Variants in LANCL3 observed in about 807,000 individuals in gnomAD.
The protein encoded by LANCL3 is LanC like family member 3, also known as lanC-like protein 3.
Under a neutral mutation model 26.5 loss-of-function variants are expected in LANCL3, and 19 were observed. The observed-to-expected ratio is 0.72, with a 90% CI of 0.50 to 1.05. LANCL3 has a LOEUF of 1.05. Among genes scored for constraint, LANCL3 ranks in the 50% least tolerant of loss-of-function variants. The pLI, the probability that LANCL3 is intolerant of heterozygous loss-of-function variation, is 0.00. For synonymous variants in LANCL3, 160 were observed against 166.6 expected, an observed-to-expected ratio of 0.96 and a Z score of 0.30; for missense variants, 318 against 362.7, an observed-to-expected ratio of 0.88 and a Z score of 1.00.
At chrX:37,581,268 C>G (rs1923884878) in intron 1 of LANCL3, among the ~76,000 whole-genome samples, 1 of 112,322 alleles carries the variant, frequency 8.9e-6, no homozygotes, top group Non-Finnish European at 1.9e-5. Flanking sequence ...AATACCAGCT[C>G]TCTGGTTTGT....
At chrX:37,658,387 G>T (rs1292075055) in intron 2 of LANCL3, among the ~76,000 whole-genome samples, 2 of 112,243 alleles carry the variant, frequency 1.8e-5, no homozygotes, top group African/African-American at 6.5e-5. Flanking sequence ...AAATCTGAAG[G>T]CAGGAGAAGG....
chrX:37,658,356 T>A (rs782365385), intron 2 of LANCL3, among the ~76,000 whole-genome samples: 1 of 112,132 alleles, frequency 8.9e-6, no homozygotes, highest in African/African-American at 3.2e-5. Context: ...AAGCCAATAA[T>A]GTAAGTTCCA....
At chrX:37,584,617 T>A (rs1386249106) in intron 1 of LANCL3, among the ~76,000 whole-genome samples, 6 of 112,040 alleles carry the variant, frequency 5.4e-5, no homozygotes, top group African/African-American at 2.0e-4. Flanking sequence ...GAGGTGTTTA[T>A]AGTATTCTCT....
intron 4 of LANCL3, among the ~76,000 whole-genome samples, chrX:37,668,650 G>A (rs1311040577): frequency 9.0e-6 from 1 of 111,548 alleles, no homozygotes; most frequent in African/African-American, 3.3e-5. Context: ...CTAAGCCAGA[G>A]TGTTCTCTCA....
At chrX:37,573,982 T>TC (rs1309804650) in intron 1 of LANCL3, among the ~76,000 whole-genome samples, 13 of 105,782 alleles carry the variant, frequency 1.2e-4, no homozygotes, top group African/African-American at 4.6e-4. Flanking sequence ...CCAGGTCTTT[T>TC]TTTTTTTTTA....
intron 1 of LANCL3, among the ~76,000 whole-genome samples, chrX:37,621,162 T>C (rs1198960580): frequency 8.9e-6 from 1 of 112,434 alleles, no homozygotes; most frequent in Non-Finnish European, 1.9e-5. Flanking sequence ...AGTAACAAGA[T>C]ACTTTGTCCT....
chrX:37,620,134 C>T (rs187040321), intron 1 of LANCL3, among the ~76,000 whole-genome samples: 1 of 111,907 alleles, frequency 8.9e-6, no homozygotes, highest in African/African-American at 3.2e-5. Flanking sequence ...AATGGGGAAG[C>T]CCCCAGGAAG....
At position 37,678,295 on chromosome X, in the gene LANCL3, A is replaced by G. The variant is rs1602140432; in HGVS notation, c.*2482A>G. 1 of 110,714 alleles carries G rather than the reference A, an allele frequency of 9.0e-6. No individual in the cohort carries two copies. Among genetic ancestry groups the G allele is most frequent in the African/African-American group, 3.3e-5 (1 of 30,482 alleles). The allele number at this position is 110,714 out of a possible 1,213,427, so 9.1% of individuals were successfully genotyped here. A position where few individuals can be genotyped will look rare whatever the true frequency, so the allele number is the denominator to read the frequency against. On this transcript the variant is annotated 3_prime_UTR_variant, in exon 5 of 5. Transcript: ENST00000378619. ...AACGATTCTTACATTTTGCTGTAGG[A>G]AAGTGTGGCATGTTACTTCTTATTT... is the stretch of plus-strand genomic sequence containing the variant.
At chrX:37,625,383 A>T in intron 1 of LANCL3, among the ~76,000 whole-genome samples, 1 of 111,436 alleles carries the variant, frequency 9.0e-6, no homozygotes, top group South Asian at 3.8e-4. Context: ...TTTTACAGAA[A>T]TTGCAGAAGT....
chrX:37,601,998 G>A (rs781966727), intron 1 of LANCL3, among the ~76,000 whole-genome samples: 16 of 111,445 alleles, frequency 1.4e-4, no homozygotes, highest in African/African-American at 4.2e-4. Flanking sequence ...AAATTTCCCC[G>A]CCTGATGTGA....
chrX:37,573,331 C>G (rs28612183), intron 1 of LANCL3, among the ~76,000 whole-genome samples: 1 of 111,982 alleles, frequency 8.9e-6, no homozygotes, highest in African/African-American at 3.3e-5. Flanking sequence ...TTCATAATCC[C>G]CTGGAGCCAA....
At chrX:37,660,625 G>C (rs1380593749) in intron 3 of LANCL3, among the ~76,000 whole-genome samples, 7 of 111,407 alleles carry the variant, frequency 6.3e-5, no homozygotes, top group Non-Finnish European at 1.3e-4. Context: ...CTTAGATTCT[G>C]AGTCGATTTA....
At chrX:37,673,332 T>C (rs1926725055) in intron 4 of LANCL3, among the ~76,000 whole-genome samples, 1 of 111,156 alleles carries the variant, frequency 9.0e-6, no homozygotes, top group African/African-American at 3.3e-5. Flanking sequence ...TTTACTTCCT[T>C]TTATTTTGTT....
chrX:37,593,932 A>G (rs1924356521), intron 1 of LANCL3, among the ~76,000 whole-genome samples: 2 of 112,147 alleles, frequency 1.8e-5, no homozygotes, highest in Admixed American at 9.5e-5. Flanking sequence ...AGATTTAATG[A>G]TGATGTTTTA....
intron 3 of LANCL3, 124 bp downstream of exon 3, chrX:37,659,783 G>T: frequency 1.7e-6 from 1 of 598,204 alleles, no homozygotes; most frequent in Non-Finnish European, 2.6e-6. Context: ...AAAGGGTCAA[G>T]ATGAGATTTT....
At chrX:37,606,095 T>C (rs1924707744) in intron 1 of LANCL3, among the ~76,000 whole-genome samples, 1 of 111,672 alleles carries the variant, frequency 9.0e-6, no homozygotes, top group African/African-American at 3.3e-5. Flanking sequence ...ATTGAAATAC[T>C]GGGGAAACCA....
chrX:37,572,062 G>T lies in LANCL3; in HGVS notation c.192G>T (p.Gly64=), dbSNP rs781855464. The T allele has an allele frequency of 5.1e-6, 6 of 1,178,695 alleles. No individual in the cohort carries two copies. The highest frequency in any genetic ancestry group is 4.5e-6 in the Non-Finnish European group (4 of 881,286). ...ATAGASACQG[G]LYGGVAGVAY... is the part of the protein sequence containing the mutation. ...CGGGGGCTAGCGCCTGCCAGGGGGG[G>T]CTTTATGGCGGCGTGGCCGGAGTGG... Residue 64 remains glycine (G), a synonymous_variant, in exon 1 of 5, where the codon GGG becomes GGT. Coordinates refer to ENST00000378619, the MANE Select transcript of LANCL3 (RefSeq NM_001170331.2).
intron 1 of LANCL3, among the ~76,000 whole-genome samples, chrX:37,624,956 G>T (rs1556422808): frequency 9.0e-6 from 1 of 111,613 alleles, no homozygotes; most frequent in African/African-American, 3.3e-5. Context: ...CACTTTCATG[G>T]CACCCCCTTG....
chrX:37,629,852 C>T (rs1324894926), intron 1 of LANCL3, among the ~76,000 whole-genome samples: 1 of 111,065 alleles, frequency 9.0e-6, no homozygotes, highest in African/African-American at 3.3e-5. Flanking sequence ...GTTGCTGTAG[C>T]CTTGTAGTAT....
Sources: gnomAD v4.1 joint callset for allele counts (sites outside exome capture counted in the v4.1 genomes callset) on GRCh38, gnomAD v4.1.1 for gene constraint, MANE v1.5 for transcripts, NCBI Gene and HGNC (gene_info 2026-07-23, HGNC 2026-07-21) for gene names.